LRBA: variants seen among roughly 807,000 people sequenced by gnomAD.
LRBA encodes the protein lipopolysaccharide-responsive and beige-like anchor protein.
LRBA carries 176 observed loss-of-function variants against 330.0 expected under a neutral mutation model. The observed-to-expected ratio is 0.53, with a 90% CI of 0.47 to 0.60. The LOEUF is 0.60. Ranked by LOEUF, LRBA falls within the 20% of genes least tolerant of loss-of-function variation. LRBA has a pLI of 0.00. For synonymous variants in LRBA, 1,230 were observed against 1,193.0 expected, an observed-to-expected ratio of 1.03 and a Z score of -0.64; for missense variants, 3,259 against 3,444.8, an observed-to-expected ratio of 0.95 and a Z score of 1.35.
intron 53 of LRBA, among the ~76,000 whole-genome samples, chr4:150,290,543 T>G (rs1728145121): frequency 1.3e-5 from 2 of 152,310 alleles, no homozygotes; most frequent in African/African-American, 4.8e-5. Flanking sequence ...GCTGCTAGTT[T>G]AAGGGACTAC....
Position 150,487,811 on chromosome 4 carries a change from CT to C in LRBA, c.6471del (p.Asp2158ThrfsTer5). 1 of 1,590,480 alleles carries C rather than the reference CT, an allele frequency of 6.3e-7. No individual in the cohort carries two copies. Among genetic ancestry groups the C allele is most frequent in the Non-Finnish European group, 8.6e-7 (1 of 1,163,540 alleles). ...ANRVAVMFNF[P>X]DPATVKKVVN... ...ACCACTTTCTTTACTGTTGCAGGGT[CT>C]GGGAAGTTGAACATCACAGCAACTA... On this transcript the variant is annotated frameshift_variant, in exon 42 of 57. Transcript: ENST00000651943. LOFTEE classifies it high-confidence loss of function.
intron 2 of LRBA, among the ~76,000 whole-genome samples, chr4:150,953,814 C>T (rs1271595926): frequency 1.3e-5 from 2 of 151,594 alleles, no homozygotes; most frequent in African/African-American, 4.8e-5. Flanking sequence ...CGTCTCTGCC[C>T]GGCCGCCCAT....
intron 40 of LRBA, chr4:150,579,492 C>T (rs1360521268): frequency 1.3e-5 from 5 of 382,006 alleles, no homozygotes; most frequent in African/African-American, 2.1e-5. Context: ...CTTTGTTTAA[C>T]TGATTTATTA....
At chr4:150,504,864 T>C (rs981244385) in intron 40 of LRBA, among the ~76,000 whole-genome samples, 3 of 151,742 alleles carry the variant, frequency 2.0e-5, no homozygotes, top group African/African-American at 7.3e-5. Context: ...AGGCTCAAAA[T>C]AAAGGGATGG....
intron 12 of LRBA, 47 bp from the exon 13 acceptor site, chr4:150,906,037 A>C (rs1291155531): frequency 1.9e-6 from 3 of 1,558,690 alleles, no homozygotes; most frequent in Non-Finnish European, 2.6e-6. Flanking sequence ...AAGTCAAAGT[A>C]AGTGAATTAC....
At chr4:150,950,545 G>C (rs1474815411) in intron 2 of LRBA, among the ~76,000 whole-genome samples, 1 of 148,232 alleles carries the variant, frequency 6.7e-6, no homozygotes, top group African/African-American at 2.4e-5. Context: ...GTACATGAAA[G>C]AAAGATCTAT....
Position 150,583,522 on chromosome 4 carries a change from C to T in LRBA, c.6330+4526G>A, listed in dbSNP as rs1318849042. 1.2e-6 allele frequency: 2 copies of T among 1,613,840 alleles called. No individual in the cohort carries two copies. On this transcript the variant is annotated intron_variant, in intron 40 of 56. Transcript: ENST00000651943. This position sits in a 1 kb window ranked among gnomAD's most constrained non-coding sequence, Gnocchi z 9.8. ...CGAGGTCAAGTTGCGCATCAGGGAG[C>T]GCTATGTGGTGCAAATCACTCCGGC...
intron 54 of LRBA, among the ~76,000 whole-genome samples, chr4:150,283,421 A>T (rs1329542640): frequency 6.6e-6 from 1 of 152,184 alleles, no homozygotes; most frequent in African/African-American, 2.4e-5. Flanking sequence ...GCAAAGAAGG[A>T]ATAAGGAACA....
chr4:150,325,706 C>A (rs924566310), intron 49 of LRBA, 103 bp downstream of exon 49: 16 of 781,690 alleles, frequency 2.0e-5, no homozygotes, highest in Middle Eastern at 2.4e-4. Context: ...AAAAAACAAA[C>A]CCACATATGG....
At chr4:150,954,164 C>T (rs1469473826) in intron 2 of LRBA, among the ~76,000 whole-genome samples, 3 of 150,582 alleles carry the variant, frequency 2.0e-5, no homozygotes, top group Admixed American at 6.6e-5. Flanking sequence ...AGCCCCCGCC[C>T]GGCCAGCCGC....
chr4:150,894,478 C>A (rs1458456029), intron 16 of LRBA, among the ~76,000 whole-genome samples: 2 of 152,184 alleles, frequency 1.3e-5, no homozygotes, highest in African/African-American at 4.8e-5. Flanking sequence ...TCATGAAAAT[C>A]CTTCACTACC....
chr4:150,818,324 G>T (rs1578880370), intron 30 of LRBA, among the ~76,000 whole-genome samples: 1 of 151,998 alleles, frequency 6.6e-6, no homozygotes, highest in East Asian at 1.9e-4. Flanking sequence ...ATTAAATCAA[G>T]GTCTCTTGTG....
At chr4:150,814,254 G>A (rs995880124) in intron 31 of LRBA, among the ~76,000 whole-genome samples, 6 of 151,926 alleles carry the variant, frequency 3.9e-5, no homozygotes, top group Admixed American at 6.6e-5. Flanking sequence ...AAATTTAACA[G>A]TTAAAAAAAT....
intron 2 of LRBA, among the ~76,000 whole-genome samples, chr4:150,945,886 G>A (rs908596383): frequency 1.3e-5 from 2 of 150,976 alleles, no homozygotes; most frequent in Admixed American, 6.6e-5. Context: ...TGCAACCTCC[G>A]CCTCCCAGGT....
chr4:150,774,276 GTCAC>G (rs1736970113), intron 34 of LRBA, among the ~76,000 whole-genome samples: 1 of 152,116 alleles, frequency 6.6e-6, no homozygotes, highest in African/African-American at 2.4e-5. Flanking sequence ...ACATCTTGCA[GTCAC>G]TTGTGATAAG....
intron 37 of LRBA, among the ~76,000 whole-genome samples, chr4:150,609,560 C>G (rs529292489): frequency 6.6e-6 from 1 of 152,128 alleles, no homozygotes; most frequent in Non-Finnish European, 1.5e-5. Context: ...AGGAAGTTCA[C>G]TTGGTGCAAG....
At chr4:150,568,435 A>T (rs926723724) in intron 40 of LRBA, among the ~76,000 whole-genome samples, 12 of 152,142 alleles carry the variant, frequency 7.9e-5, no homozygotes, top group African/African-American at 2.7e-4. Context: ...ACCACTGACA[A>T]TTTTCCCTTC....
Position 151,014,679 on chromosome 4 carries a change from T to G in LRBA, c.-37A>C. On this transcript the variant is annotated 5_prime_UTR_variant, in exon 2 of 57. Transcript: ENST00000651943. Reference sequence around the variant, plus strand: ...GATAAAGGACAACTCAGAGTCACCCTGGGACGGCAGTCGCTGCACTGGTAA... The same window carrying G: ...GATAAAGGACAACTCAGAGTCACCCGGGGACGGCAGTCGCTGCACTGGTAA... The G allele has an allele frequency of 2.8e-6, 4 of 1,449,798 alleles. No individual in the cohort carries two copies. Among genetic ancestry groups the G allele is most frequent in the Non-Finnish European group, 3.8e-6 (4 of 1,056,830 alleles). 89.8% of individuals were successfully genotyped at this position (1,449,798 alleles called of 1,614,324 possible).
chr4:150,664,542 C>G (rs1781402464), intron 37 of LRBA, among the ~76,000 whole-genome samples: 1 of 152,128 alleles, frequency 6.6e-6, no homozygotes, highest in African/African-American at 2.4e-5. Flanking sequence ...TGTGTTCCCT[C>G]AAAGTATATA....
Sources: gnomAD v4.1 joint callset for allele counts (sites outside exome capture counted in the v4.1 genomes callset) on GRCh38, gnomAD v4.1.1 for gene constraint, Gnocchi (gnomAD v3.1) non-coding constraint, MANE v1.5 for transcripts, NCBI Gene and HGNC (gene_info 2026-07-23, HGNC 2026-07-21) for gene names.